The following MCC variants were observed in gnomAD, a reference collection of about 807,000 sequenced individuals.
MCC encodes MCC regulator of Wnt signaling pathway.
MCC carries 90 observed loss-of-function variants against 116.2 expected under a neutral mutation model. That is an observed-to-expected ratio of 0.77 (90% confidence interval 0.65 to 0.92). The LOEUF (loss-of-function observed/expected upper bound fraction) is 0.92, where lower values mean the gene tolerates loss of function less well. Among genes scored for constraint, MCC ranks in the 40% least tolerant of loss-of-function variants. The pLI is 0.00. For synonymous variants in MCC, 578 were observed against 510.5 expected (o/e 1.13, Z -1.78); for missense variants, 1,516 against 1,312.2 (o/e 1.16, Z -2.40).
At chr5:113,099,447 C>T (rs1342822429) in intron 8 of MCC, among the ~76,000 whole-genome samples, 2 of 152,212 alleles carry the variant, frequency 1.3e-5, no homozygotes, top group South Asian at 2.1e-4. Context: ...CTTTCCGTAT[C>T]ACTCGACAGG....
At chr5:113,288,173 G>A (rs1176902011) in intron 3 of MCC, among the ~76,000 whole-genome samples, 1 of 152,222 alleles carries the variant, frequency 6.6e-6, no homozygotes, top group Non-Finnish European at 1.5e-5. Context: ...GCCTTGCCAT[G>A]CAGCCGTGGC....
intron 11 of MCC, among the ~76,000 whole-genome samples, chr5:113,075,539 G>A (rs531800631): frequency 3.3e-5 from 5 of 152,282 alleles, no homozygotes; most frequent in African/African-American, 1.2e-4. Flanking sequence ...AAGTCTAGCT[G>A]GAGGATTGTA....
intron 4 of MCC, among the ~76,000 whole-genome samples, chr5:113,146,325 C>T (rs550486980): frequency 1.7e-3 from 1 of 572 alleles, no homozygotes; most frequent in South Asian, 0.25. Flanking sequence ...CCTGTTTTTG[C>T]CATCAAGGCA....
chr5:113,081,415 C>G (rs1202858819), intron 11 of MCC, among the ~76,000 whole-genome samples: 1 of 152,164 alleles, frequency 6.6e-6, no homozygotes, highest in Non-Finnish European at 1.5e-5. Flanking sequence ...CCTTTGTAAG[C>G]TGTTAAACAC....
At chr5:113,127,709 A>G (rs1471708361) in intron 5 of MCC, among the ~76,000 whole-genome samples, 7 of 151,924 alleles carry the variant, frequency 4.6e-5, no homozygotes, top group African/African-American at 1.7e-4. Flanking sequence ...TTTCTCTTGT[A>G]AATTTGTTTA....
chr5:113,077,570 G>A (rs6865804), intron 11 of MCC, among the ~76,000 whole-genome samples: 28,841 of 152,008 alleles, frequency 0.19, 2,811 homozygotes, highest in East Asian at 0.29. Context: ...GGTACATAAT[G>A]AAATGAAGGC....
At chr5:113,074,700 G>A (rs1754293388) in intron 11 of MCC, among the ~76,000 whole-genome samples, 1 of 152,248 alleles carries the variant, frequency 6.6e-6, no homozygotes, top group South Asian at 2.1e-4. Context: ...TAAATGACCT[G>A]AAGGAGCTGA....
At chr5:113,359,781 A>C (rs1029111949) in intron 2 of MCC, among the ~76,000 whole-genome samples, 5 of 151,638 alleles carry the variant, frequency 3.3e-5, no homozygotes, top group Non-Finnish European at 5.9e-5. Context: ...AAGCAAATAA[A>C]TTGACTTTCA....
At chr5:113,286,912 G>GAGA (rs1168353195) in intron 3 of MCC, among the ~76,000 whole-genome samples, 2 of 152,134 alleles carry the variant, frequency 1.3e-5, no homozygotes, top group African/African-American at 4.8e-5. Context: ...TAGTCAACAA[G>GAGA]AGAAAAAGGA....
At chr5:113,037,736 A>G (rs993631453) in intron 17 of MCC, among the ~76,000 whole-genome samples, 5 of 152,132 alleles carry the variant, frequency 3.3e-5, no homozygotes, top group African/African-American at 1.2e-4. Context: ...GGGAAGATAC[A>G]TGATGGAGGT....
intron 1 of MCC, among the ~76,000 whole-genome samples, chr5:113,484,063 G>A (rs1352346887): frequency 1.3e-5 from 2 of 152,118 alleles, no homozygotes; most frequent in Non-Finnish European, 2.9e-5. Context: ...GTTGGAAGGA[G>A]GGGGAGGATC....
intron 9 of MCC, 96 bp from the exon 10 acceptor site, chr5:113,084,286 T>G (rs568104102): frequency 2.7e-5 from 25 of 931,304 alleles, no homozygotes; most frequent in Admixed American, 2.4e-4. Flanking sequence ...TTTAGCCATG[T>G]CAACTAAATG....
intron 17 of MCC, among the ~76,000 whole-genome samples, chr5:113,038,421 G>T (rs773181029): frequency 2.6e-5 from 4 of 152,082 alleles, no homozygotes; most frequent in Non-Finnish European, 4.4e-5. Context: ...GGGAGTTGGG[G>T]GTAGAACCAG....
chr5:113,132,261 TATC>T (rs924262206), intron 5 of MCC, among the ~76,000 whole-genome samples: 134 of 151,550 alleles, frequency 8.8e-4, no homozygotes, highest in African/African-American at 2.9e-3. Context: ...CCCACCTAGA[TATC>T]ATGTAACCTA....
intron 1 of MCC, among the ~76,000 whole-genome samples, chr5:113,465,846 T>A (rs1265937043): frequency 6.6e-6 from 1 of 152,190 alleles, no homozygotes; most frequent in Non-Finnish European, 1.5e-5. Context: ...AGAAAGGTTA[T>A]AATAGTTAAT....
chr5:113,286,090 G>C (rs1235775801), intron 3 of MCC, among the ~76,000 whole-genome samples: 1 of 152,182 alleles, frequency 6.6e-6, no homozygotes, highest in African/African-American at 2.4e-5. Flanking sequence ...GCAATATAGT[G>C]ATCAACTTTA....
chr5:113,105,479 C>T (rs1756676074), intron 6 of MCC, among the ~76,000 whole-genome samples: 1 of 152,196 alleles, frequency 6.6e-6, no homozygotes, highest in Non-Finnish European at 1.5e-5. Flanking sequence ...TTCACTCCAA[C>T]CAATACACAC....
At chr5:113,229,822 A>G (rs555025723) in intron 3 of MCC, among the ~76,000 whole-genome samples, 2 of 152,250 alleles carry the variant, frequency 1.3e-5, no homozygotes, top group Non-Finnish European at 2.9e-5. Flanking sequence ...GGTCTGTAGC[A>G]TAGGAGCAAC....
At chr5:113,345,054 G>T (rs774998764) in intron 2 of MCC, among the ~76,000 whole-genome samples, 1 of 151,902 alleles carries the variant, frequency 6.6e-6, no homozygotes, top group Non-Finnish European at 1.5e-5. Context: ...TGAGTCCCAG[G>T]CCTCACAGCA....
Sources: allele counts gnomAD v4.1 joint callset (sites outside exome capture counted in the v4.1 genomes callset), GRCh38; gene constraint gnomAD v4.1.1; transcripts MANE v1.5; gene names NCBI Gene and HGNC (gene_info 2026-07-23, HGNC 2026-07-21).